The following PRKCE variants were observed in gnomAD, a reference collection of about 807,000 sequenced individuals.
PRKCE encodes protein kinase C epsilon type.
A neutral mutation model predicts 85.4 loss-of-function variants in PRKCE; 16 were observed. That is an observed-to-expected ratio of 0.19 (90% CI 0.13 to 0.28). PRKCE has a LOEUF of 0.28. Among genes scored for constraint, PRKCE ranks in the 10% least tolerant of loss-of-function variants. The pLI, the probability that PRKCE is intolerant of heterozygous loss-of-function variation, is 1.00. For missense variants in PRKCE, 573 were observed against 975.2 expected (o/e 0.59, Z 5.49); for synonymous variants, 388 against 371.5 (o/e 1.04, Z -0.51).
At chr2:45,932,049 G>T (rs1279567781) in intron 2 of PRKCE, among the ~76,000 whole-genome samples, 3 of 152,144 alleles carry the variant, frequency 2.0e-5, no homozygotes, top group African/African-American at 7.2e-5. Flanking sequence ...TGGGTGACCA[G>T]CATCCAGATG....
At chr2:45,787,585 C>T (rs994457064) in intron 1 of PRKCE, among the ~76,000 whole-genome samples, 1 of 152,178 alleles carries the variant, frequency 6.6e-6, no homozygotes, top group African/African-American at 2.4e-5. Context: ...GGTGACAAGA[C>T]TCATGCTATG....
At chr2:45,943,323 C>G (rs562653368) in intron 2 of PRKCE, among the ~76,000 whole-genome samples, 4 of 152,194 alleles carry the variant, frequency 2.6e-5, no homozygotes, top group Non-Finnish European at 4.4e-5. Flanking sequence ...AAGTTTAGAA[C>G]CATAGCGTCT....
chr2:45,832,111 A>T (rs577597212), intron 1 of PRKCE, among the ~76,000 whole-genome samples: 1 of 152,200 alleles, frequency 6.6e-6, no homozygotes, highest in Non-Finnish European at 1.5e-5. Flanking sequence ...GGCAAATAAG[A>T]CTGGTATACA....
intron 9 of PRKCE, among the ~76,000 whole-genome samples, chr2:46,009,810 G>T (rs1383827540): frequency 1.3e-5 from 2 of 152,176 alleles, no homozygotes; most frequent in African/African-American, 4.8e-5. Context: ...AAGCAACCGT[G>T]ATAATAATGG....
At chr2:46,132,973 A>ATTTGTG (rs897076834) in intron 11 of PRKCE, among the ~76,000 whole-genome samples, 45 of 152,138 alleles carry the variant, frequency 3.0e-4, no homozygotes, top group African/African-American at 1.1e-3. Context: ...GTGGAGTTAC[A>ATTTGTG]TTTGTGTTTC....
At chr2:45,978,544 T>C (rs747119921) in intron 3 of PRKCE, 8 of 166,798 alleles carry the variant, frequency 4.8e-5, no homozygotes, top group Non-Finnish European at 9.0e-5. Flanking sequence ...CAGGGAAATA[T>C]ACCTGCCAGC....
intron 10 of PRKCE, among the ~76,000 whole-genome samples, chr2:46,080,733 T>C (rs1184009953): frequency 1.3e-5 from 2 of 152,162 alleles, no homozygotes; most frequent in Non-Finnish European, 2.9e-5. Context: ...TTGGGATTGC[T>C]AGGAAGAATA....
chr2:46,067,351 A>G (rs1339747645), intron 10 of PRKCE, among the ~76,000 whole-genome samples: 1 of 152,234 alleles, frequency 6.6e-6, no homozygotes, highest in African/African-American at 2.4e-5. Flanking sequence ...TACTTAAAGT[A>G]GTGGTTCAGA....
At chr2:46,177,576 G>A (rs905234995) in intron 14 of PRKCE, among the ~76,000 whole-genome samples, 94 of 152,236 alleles carry the variant, frequency 6.2e-4, no homozygotes, top group African/African-American at 2.2e-3. Flanking sequence ...GTCTGTCTCT[G>A]TGTCCAATTT....
chr2:46,019,256 T>C (rs1706432267), intron 10 of PRKCE, among the ~76,000 whole-genome samples: 1 of 152,244 alleles, frequency 6.6e-6, no homozygotes, highest in Non-Finnish European at 1.5e-5. Context: ...GTATGAGTTT[T>C]TTTTCAGGGA....
chr2:45,864,124 G>A (rs945059059), intron 2 of PRKCE, among the ~76,000 whole-genome samples: 3 of 152,192 alleles, frequency 2.0e-5, no homozygotes, highest in African/African-American at 7.2e-5. Flanking sequence ...CAGCCTGGGT[G>A]TGAATCCTTC....
At chr2:45,964,631 CGAAT>C (rs370224334) in intron 2 of PRKCE, among the ~76,000 whole-genome samples, 2 of 152,152 alleles carry the variant, frequency 1.3e-5, no homozygotes. Context: ...AACGAATGGG[CGAAT>C]GAATGAATGA....
At chr2:45,653,879 A>G (rs993904139) in intron 1 of PRKCE, among the ~76,000 whole-genome samples, 1 of 152,204 alleles carries the variant, frequency 6.6e-6, no homozygotes, top group Non-Finnish European at 1.5e-5. Context: ...TACTTCACAG[A>G]TGTCCCTCAT....
At chr2:45,770,167 G>A (rs908115787) in intron 1 of PRKCE, among the ~76,000 whole-genome samples, 1 of 152,228 alleles carries the variant, frequency 6.6e-6, no homozygotes, top group Non-Finnish European at 1.5e-5. Flanking sequence ...GCCCTCTCTC[G>A]GACTGCAGCC....
chr2:45,798,737 GTGTATA>G (rs1397261886), intron 1 of PRKCE, among the ~76,000 whole-genome samples: 8 of 147,692 alleles, frequency 5.4e-5, no homozygotes, highest in Non-Finnish European at 7.4e-5. Context: ...TCGTTTCAAA[GTGTATA>G]TGGGCCATGC....
At chr2:45,938,168 C>T (rs1032015580) in intron 2 of PRKCE, among the ~76,000 whole-genome samples, 2 of 152,178 alleles carry the variant, frequency 1.3e-5, no homozygotes, top group Non-Finnish European at 2.9e-5. Flanking sequence ...CATCTGCTCT[C>T]TTAGCCTCAG....
In PRKCE at chr2:46,086,270, C is replaced by G; in HGVS notation, c.1500C>G (p.Arg500=). The change falls in exon 11 of 15, where the codon CGC becomes CGG. Residue 500 remains arginine, a synonymous_variant. Transcript: ENST00000306156. ...NGGDLMFQIQ[R]SRKFDEPRSR... ...GAGACCTCATGTTTCAGATTCAGCG[C>G]TCCCGAAAATTCGACGAGCCTCGTT... is the stretch of plus-strand genomic sequence containing the variant. The G allele has an allele frequency of 6.3e-7, 1 of 1,599,712 alleles. No homozygotes were observed. The highest frequency in any genetic ancestry group is 8.5e-7 in the Non-Finnish European group (1 of 1,179,934).
At position 45,652,609 on chromosome 2, in the gene PRKCE, G is replaced by A. The variant is rs1675175829; in HGVS notation, c.348+161G>A. 6.6e-6 allele frequency among the ~76,000 whole-genome samples: 1 copy of A among 152,214 alleles called. No individual in the cohort carries two copies. Among genetic ancestry groups the A allele is most frequent in the South Asian group, 2.1e-4 (1 of 4,828 alleles). ...GGGAGGTACACTTCACTTCATAGTTGGGGAGAAACAGGCATTGGCGAGGAA... is the reference window on the plus strand; with the variant it reads ...GGGAGGTACACTTCACTTCATAGTTAGGGAGAAACAGGCATTGGCGAGGAA... On this transcript the variant is annotated intron_variant, in intron 1 of 14. Transcript: ENST00000306156. This position sits in a 1 kb window ranked among gnomAD's most constrained non-coding sequence, Gnocchi z 7.7.
chr2:45,916,803 G>A (rs749205679), intron 2 of PRKCE, among the ~76,000 whole-genome samples: 7 of 152,172 alleles, frequency 4.6e-5, no homozygotes, highest in East Asian at 3.8e-4. Flanking sequence ...GAATGAAGCC[G>A]TGGACCCTCA....
Sources: allele counts gnomAD v4.1 joint callset (sites outside exome capture counted in the v4.1 genomes callset), GRCh38; gene constraint gnomAD v4.1.1; non-coding constraint Gnocchi (gnomAD v3.1); transcripts MANE v1.5; gene names NCBI Gene and HGNC (gene_info 2026-07-23, HGNC 2026-07-21).